AK9: variants seen among roughly 807,000 people sequenced by gnomAD.
AK9 encodes the protein adenylate kinase domain containing 1.
AK9 carries 191 observed loss-of-function variants against 239.6 expected under a neutral mutation model. That is an observed-to-expected ratio of 0.80 (90% CI 0.71 to 0.90). The LOEUF (loss-of-function observed/expected upper bound fraction) is 0.90. Ranked by LOEUF, AK9 falls within the 40% of genes least tolerant of loss-of-function variation. The pLI, the probability that AK9 is intolerant of heterozygous loss-of-function variation, is 0.00. For missense variants in AK9, 1,995 were observed against 2,214.7 expected (o/e 0.90, Z 1.99); for synonymous variants, 689 against 721.0 (o/e 0.96, Z 0.71).
chr6:109,599,821 T>G lies in AK9; in HGVS notation c.1842+10544A>C, dbSNP rs554797880. On this transcript the variant is annotated intron_variant, in intron 17 of 40. Coordinates refer to ENST00000424296, the MANE Select transcript of AK9 (RefSeq NM_001145128.3). ...TTGTAAGTTGGATTCCTAGGTATTT[T>G]ATTCTCTTTGAAGCAATTGTGAATG... 5.3e-3 allele frequency among the ~76,000 whole-genome samples: 808 copies of G among 152,276 alleles called. 8 individuals are homozygous for G. Among genetic ancestry groups the G allele is most frequent in the African/African-American group, 0.019 (780 of 41,552 alleles).
rs531098987 is a variant in AK9 at position 109,611,954 on chromosome 6, T to TGTGTTTTTTAGAAACTAGC, written c.1693+55_1693+56insGCTAGTTTCTAAAAAACAC. 3,464 of 1,184,794 alleles carry TGTGTTTTTTAGAAACTAGC rather than the reference T, an allele frequency of 2.9e-3. 92 individuals carry two copies. The African/African-American group carries it at 0.049, about 17-fold the overall frequency. 73.4% of individuals were successfully genotyped at this position (1,184,794 alleles called of 1,614,324 possible). ...TTCTTCTAAATTCTGAGGGAACTACTTGTGTTTTTTAGAACCACAATCTAA... is the reference window on the plus strand; with the variant it reads ...TTCTTCTAAATTCTGAGGGAACTACTGTGTTTTTTAGAAACTAGCTGTGTTTTTTAGAACCACAATCTAA... On this transcript the variant is annotated intron_variant, in intron 16 of 40. Transcript: ENST00000424296.
intron 28 of AK9, among the ~76,000 whole-genome samples, chr6:109,531,770 A>G (rs1354780152): frequency 6.6e-6 from 1 of 152,186 alleles, no homozygotes; most frequent in Non-Finnish European, 1.5e-5. Flanking sequence ...TCATACTTAC[A>G]GAATCTCTCG....
In AK9 at chr6:109,587,906, AAC is replaced by A. The variant is rs1196543865; in HGVS notation, c.1843-1836_1843-1835del. Among the ~76,000 whole-genome samples the A allele has an allele frequency of 2.6e-5, 4 of 152,322 alleles. No homozygotes were observed. The East Asian group carries it at 7.7e-4, about 29-fold the overall frequency. Reference sequence around the variant, plus strand: ...AGGTGTACCAATTTACATTCCCATTAACAGTGTATAAATAATTTCCTTTTCTT... The same window carrying A: ...AGGTGTACCAATTTACATTCCCATTAAGTGTATAAATAATTTCCTTTTCTT... On this transcript the variant is annotated intron_variant, in intron 17 of 40. Coordinates refer to ENST00000424296, the MANE Select transcript of AK9 (RefSeq NM_001145128.3).
intron 21 of AK9, among the ~76,000 whole-genome samples, chr6:109,566,788 C>T (rs1253553615): frequency 6.6e-6 from 1 of 152,130 alleles, no homozygotes; most frequent in Non-Finnish European, 1.5e-5. Flanking sequence ...CTCAAAACCA[C>T]TCAACTACAT....
chr6:109,662,618 G>A lies in AK9; in HGVS notation c.377C>T (p.Thr126Ile). ...AATTAATTCTATTTGCTGTAAGGTA[G>A]TCATGGCATCCTGTGAAAGTGATGG... ...EIPSLSQDAM[T>I]TLQQIELIKN... The change falls in exon 6 of 41, where the codon ACT becomes ATT. Residue 126 changes from threonine to isoleucine, a missense_variant. Physicochemically the swap from Thr to Ile is moderately conservative, Grantham distance 89. Transcript: ENST00000424296. 1 of 1,584,750 alleles carries A rather than the reference G, an allele frequency of 6.3e-7. No homozygotes were observed. Among genetic ancestry groups the A allele is most frequent in the East Asian group, 2.3e-5 (1 of 43,126 alleles).
In AK9 at chr6:109,683,014, A is replaced by T. The variant is rs1412910175; in HGVS notation, c.-11-7258T>A. ...AAAATCCTCAATAAAATGCTGGCAAACTGAATGCAGCAGCACATCAAAAAG... is the reference window on the plus strand; with the variant it reads ...AAAATCCTCAATAAAATGCTGGCAATCTGAATGCAGCAGCACATCAAAAAG... On this transcript the variant is annotated intron_variant, in intron 1 of 40. Coordinates refer to ENST00000424296, the MANE Select transcript of AK9 (RefSeq NM_001145128.3). Among the ~76,000 whole-genome samples, 3 of 152,234 alleles carry T rather than the reference A, an allele frequency of 2.0e-5. No individual in the cohort carries two copies. In the South Asian group the frequency reaches 6.2e-4, roughly 32 times the overall value.
chr6:109,556,141 G>T (rs940969120), intron 24 of AK9, among the ~76,000 whole-genome samples: 47 of 152,122 alleles, frequency 3.1e-4, no homozygotes, highest in African/African-American at 1.1e-3. Context: ...TGCAGTGGCT[G>T]GTACCAGTTT....
chr6:109,631,129 C>T (rs181235897), intron 12 of AK9, among the ~76,000 whole-genome samples: 39 of 151,910 alleles, frequency 2.6e-4, no homozygotes, highest in Admixed American at 1.4e-3. Context: ...GATGTTTGGG[C>T]GGAAAAATTT....
intron 21 of AK9, among the ~76,000 whole-genome samples, chr6:109,566,197 C>G (rs895902829): frequency 6.6e-6 from 1 of 152,006 alleles, no homozygotes. Context: ...AGGTCTATAT[C>G]TGAGAATGCC....
intron 8 of AK9, among the ~76,000 whole-genome samples, chr6:109,646,780 A>G (rs934818746): frequency 1.3e-5 from 2 of 152,190 alleles, no homozygotes; most frequent in African/African-American, 2.4e-5. Context: ...CCCAAGACAC[A>G]TAATTGTCAG....
intron 17 of AK9, among the ~76,000 whole-genome samples, chr6:109,596,063 G>T (rs1039270501): frequency 6.6e-6 from 1 of 152,066 alleles, no homozygotes; most frequent in Non-Finnish European, 1.5e-5. Context: ...TTTCTATTGG[G>T]TATTGCAGTT....
chr6:109,651,275 C>T (rs181992969), intron 8 of AK9, among the ~76,000 whole-genome samples: 3 of 151,702 alleles, frequency 2.0e-5, no homozygotes, highest in Admixed American at 2.0e-4. Context: ...CACTAAAAGC[C>T]GCAGAACTAC....
Position 109,619,141 on chromosome 6 carries a change from A to G in AK9, c.1350T>C (p.Ile450=), listed in dbSNP as rs771301863. The G allele has an allele frequency of 1.9e-6, 3 of 1,546,898 alleles. No homozygotes were observed. ...TGAGAAGCTTTTCTTTCACAACTTTAATTGCTGCTGCAGTGGCCTCAGCTA... is the reference window on the plus strand; with the variant it reads ...TGAGAAGCTTTTCTTTCACAACTTTGATTGCTGCTGCAGTGGCCTCAGCTA... ...NTIAEATAAA[I]KVVKEKLLRE... The change falls in exon 13 of 41, where the codon ATT becomes ATC. Residue 450 remains isoleucine, a synonymous_variant. Transcript: ENST00000424296.
In AK9 at chr6:109,671,323, C is replaced by G. The variant is rs115002546; in HGVS notation, c.331+596G>C. On this transcript the variant is annotated intron_variant, in intron 5 of 40. Coordinates refer to ENST00000424296, the MANE Select transcript of AK9 (RefSeq NM_001145128.3). ...AACTTGTCATTATTCTTCTCCTCTT[C>G]TTTTGCAGAGGTATTAGAGTTTGCT... Among the ~76,000 whole-genome samples, 1,045 of 152,290 alleles carry G rather than the reference C, an allele frequency of 6.9e-3. 13 individuals are homozygous for G. The highest frequency in any genetic ancestry group is 0.024 in the African/African-American group (1,011 of 41,572).
chr6:109,636,711 T>C (rs1486200902), intron 10 of AK9, among the ~76,000 whole-genome samples: 1 of 147,968 alleles, frequency 6.8e-6, no homozygotes, highest in East Asian at 2.0e-4. Flanking sequence ...TTATCATATA[T>C]AAGAATTTTA....
intron 8 of AK9, among the ~76,000 whole-genome samples, chr6:109,645,004 T>C (rs1797863898): frequency 6.6e-6 from 1 of 152,256 alleles, no homozygotes; most frequent in Admixed American, 6.5e-5. Context: ...TTCTAAACCA[T>C]GGAAGCATCT....
chr6:109,555,206 A>C lies in AK9; in HGVS notation c.2752-4904T>G, dbSNP rs148273861. Among the ~76,000 whole-genome samples, 1,509 of 152,060 alleles carry C rather than the reference A, an allele frequency of 9.9e-3. 25 individuals carry two copies. Among genetic ancestry groups the C allele is most frequent in the African/African-American group, 0.035 (1,438 of 41,474 alleles). On this transcript the variant is annotated intron_variant, in intron 24 of 40. Coordinates refer to ENST00000424296, the MANE Select transcript of AK9 (RefSeq NM_001145128.3). ...AGCTGTGTCCCAGAGATTCTTGTACATTGTCTCTTTGTTCTCATTGGTTTC... is the reference window on the plus strand; with the variant it reads ...AGCTGTGTCCCAGAGATTCTTGTACCTTGTCTCTTTGTTCTCATTGGTTTC...
chr6:109,509,703 C>T (rs1778487064), intron 32 of AK9, among the ~76,000 whole-genome samples: 1 of 152,114 alleles, frequency 6.6e-6, no homozygotes, highest in South Asian at 2.1e-4. Context: ...CAGGTAAGAC[C>T]TGCCCTCTTG....
chr6:109,642,196 C>G (rs1453436540), intron 9 of AK9, among the ~76,000 whole-genome samples: 1 of 152,170 alleles, frequency 6.6e-6, no homozygotes, highest in East Asian at 1.9e-4. Flanking sequence ...GACTTTTAGC[C>G]TCCAGAACTG....
Sources: allele counts gnomAD v4.1 joint callset (sites outside exome capture counted in the v4.1 genomes callset), GRCh38; gene constraint gnomAD v4.1.1; transcripts MANE v1.5; gene names NCBI Gene and HGNC (gene_info 2026-07-23, HGNC 2026-07-21).